UFD1: variants seen among roughly 807,000 people sequenced by gnomAD.
The protein encoded by UFD1 is ubiquitin recognition factor in ER associated degradation 1.
Under a neutral mutation model 45.9 loss-of-function variants are expected in UFD1, and 13 were observed. The ratio of observed to expected loss-of-function variants is 0.28; its 90% CI spans 0.18 to 0.45. The LOEUF (loss-of-function observed/expected upper bound fraction) is 0.45. Among genes scored for constraint, UFD1 ranks in the 20% least tolerant of loss-of-function variants. The pLI, the probability that UFD1 is intolerant of heterozygous loss-of-function variation, is 1.00. For synonymous variants in UFD1, 128 were observed against 139.2 expected (o/e 0.92, Z 0.56); for missense variants, 218 against 389.2 (o/e 0.56, Z 3.70).
At chr22:19,477,979 G>C (rs548547875) in intron 1 of UFD1, among the ~76,000 whole-genome samples, 1 of 152,318 alleles carries the variant, frequency 6.6e-6, no homozygotes, top group African/African-American at 2.4e-5. Context: ...ACAGGAAATA[G>C]CGTTTCTGGG....
intron 4 of UFD1, among the ~76,000 whole-genome samples, chr22:19,469,670 G>A (rs891359506): frequency 6.6e-6 from 1 of 152,198 alleles, no homozygotes; most frequent in Non-Finnish European, 1.5e-5. Flanking sequence ...GGGAGCATGG[G>A]TGGGATGGAG....
At chr22:19,464,021 C>T (rs965148570) in intron 6 of UFD1, among the ~76,000 whole-genome samples, 5 of 152,022 alleles carry the variant, frequency 3.3e-5, no homozygotes, top group African/African-American at 9.7e-5. Context: ...TTAAGGTAAA[C>T]GATACCTAAA....
At chr22:19,456,430 G>T in intron 9 of UFD1, 157 bp downstream of exon 9, 1 of 932,558 alleles carries the variant, frequency 1.1e-6, no homozygotes, top group Non-Finnish European at 1.7e-6. Context: ...AAAAGGGTTT[G>T]GTAACTGAGC....
chr22:19,454,126 CACACAGT>C, intron 11 of UFD1: 1 of 985,858 alleles, frequency 1.0e-6, no homozygotes, highest in Non-Finnish European at 1.2e-6. Flanking sequence ...CCACCCAGGG[CACACAGT>C]TCTGTGATAA....
At chr22:19,455,144 C>G (rs1029803994) in intron 10 of UFD1, among the ~76,000 whole-genome samples, 4 of 152,078 alleles carry the variant, frequency 2.6e-5, no homozygotes, top group African/African-American at 4.8e-5. Flanking sequence ...ACTCTCACTC[C>G]AGTATTCTGA....
intron 6 of UFD1, among the ~76,000 whole-genome samples, chr22:19,463,624 ACC>A (rs1378454236): frequency 6.6e-6 from 1 of 152,204 alleles, no homozygotes; most frequent in Non-Finnish European, 1.5e-5. Flanking sequence ...CAATGACAAC[ACC>A]CACCTCTGTG....
Position 19,458,990 on chromosome 22 carries a change from C to T in UFD1, c.496-851G>A, listed in dbSNP as rs969301289. The stretch of plus-strand genomic sequence containing the variant: ...TTGGGCAAAATCATCTACTATAAAG[C>T]TTATTTTATAATAAAATGTTGAATA... On this transcript the variant is annotated intron_variant, in intron 6 of 11. Transcript: ENST00000263202. Among the ~76,000 whole-genome samples the T allele has an allele frequency of 2.0e-5, 3 of 152,240 alleles. No homozygotes were observed. The East Asian group carries it at 5.8e-4, about 29-fold the overall frequency.
At chr22:19,471,523 A>T (rs2089845337) in intron 4 of UFD1, among the ~76,000 whole-genome samples, 164 bp downstream of exon 4, 2 of 152,208 alleles carry the variant, frequency 1.3e-5, no homozygotes, top group Admixed American at 1.3e-4. Context: ...CATAAGGCAC[A>T]GTGCACTGCT....
chr22:19,462,521 C>T (rs1199116892), intron 6 of UFD1, among the ~76,000 whole-genome samples: 3 of 151,974 alleles, frequency 2.0e-5, no homozygotes, highest in East Asian at 3.9e-4. Context: ...CAAAAGTAGC[C>T]GCAAGTGGTG....
Position 19,471,715 on chromosome 22 carries a change from T to A in UFD1, c.263A>T (p.Asp88Val). ...THCGVLEFVA[D>V]EGICYLPHWM... ...GTGTGGGAGGTAGCAGATGCCCTCATCAGCCACAAACTCCAGCACGCCACA... is the reference window on the plus strand; with the variant it reads ...GTGTGGGAGGTAGCAGATGCCCTCAACAGCCACAAACTCCAGCACGCCACA... The change falls in exon 4 of 12, where the codon GAT (aspartate) becomes GTT (valine). Residue 88 changes from aspartate to valine, a missense_variant. By Grantham distance (152) the Asp-to-Val change is radical. Transcript: ENST00000263202. 1 of 1,613,594 alleles carries A rather than the reference T, an allele frequency of 6.2e-7. No individual in the cohort carries two copies. The highest frequency in any genetic ancestry group is 8.5e-7 in the Non-Finnish European group (1 of 1,180,020).
At chr22:19,458,440 A>G (rs1015875540) in intron 6 of UFD1, among the ~76,000 whole-genome samples, 2 of 152,160 alleles carry the variant, frequency 1.3e-5, no homozygotes, top group South Asian at 2.1e-4. Flanking sequence ...GAACTTTACT[A>G]TTTATTTTAT....
chr22:19,471,324 T>G (rs2146305629), intron 4 of UFD1: 1 of 547,392 alleles, frequency 1.8e-6, no homozygotes, highest in East Asian at 4.9e-5. Flanking sequence ...CTACTAAAAG[T>G]AGGGGAAAAG....
At chr22:19,461,601 C>T (rs188906944) in intron 6 of UFD1, among the ~76,000 whole-genome samples, 3 of 152,316 alleles carry the variant, frequency 2.0e-5, no homozygotes, top group Admixed American at 2.0e-4. Context: ...TACCTTTCTC[C>T]TATCCTTGTG....
chr22:19,465,433 G>A, intron 5 of UFD1, 159 bp from the exon 6 acceptor site: 1 of 598,884 alleles, frequency 1.7e-6, no homozygotes, highest in South Asian at 2.1e-5. Context: ...CAATAAAGAA[G>A]GATGGAACTC....
chr22:19,479,139 C>A lies in UFD1; in HGVS notation c.-54G>T. 1.2e-6 allele frequency: 2 copies of A among 1,601,732 alleles called. No homozygotes were observed. Among genetic ancestry groups the A allele is most frequent in the Non-Finnish European group, 1.7e-6 (2 of 1,175,196 alleles). On this transcript the variant is annotated 5_prime_UTR_variant, in exon 1 of 12. Coordinates refer to ENST00000263202, the MANE Select transcript of UFD1 (RefSeq NM_005659.7). The stretch of plus-strand genomic sequence containing the variant: ...CTCTCAGGCAATGCAACGAAGAAAC[C>A]CCGCCGACCGCTCTCCCAGCCGCCG...
intron 6 of UFD1, among the ~76,000 whole-genome samples, 186 bp from the exon 7 acceptor site, chr22:19,458,325 G>A (rs757700438): frequency 3.9e-5 from 6 of 152,196 alleles, no homozygotes; most frequent in Non-Finnish European, 7.3e-5. Context: ...TGTGCCCATC[G>A]CTGAAGAGAT....
intron 7 of UFD1, among the ~76,000 whole-genome samples, chr22:19,457,441 A>G (rs887791387): frequency 6.6e-6 from 1 of 152,204 alleles, no homozygotes; most frequent in Admixed American, 6.5e-5. Context: ...ATTCCCTAGT[A>G]ATACAACCAG....
intron 10 of UFD1, among the ~76,000 whole-genome samples, chr22:19,455,209 GCC>G (rs1301312277): frequency 1.3e-5 from 2 of 152,146 alleles, no homozygotes; most frequent in Admixed American, 1.3e-4. Flanking sequence ...TGCCATCATG[GCC>G]ACCAGAGGAA....
chr22:19,458,472 C>G (rs543936932), intron 6 of UFD1, among the ~76,000 whole-genome samples: 9 of 152,316 alleles, frequency 5.9e-5, no homozygotes, highest in Non-Finnish European at 1.2e-4. Flanking sequence ...TAGACAGAAT[C>G]TCGCTCTATC....
Sources: allele counts gnomAD v4.1 joint callset (sites outside exome capture counted in the v4.1 genomes callset), GRCh38; gene constraint gnomAD v4.1.1; transcripts MANE v1.5; gene names NCBI Gene and HGNC (gene_info 2026-07-23, HGNC 2026-07-21).